The following JPH1 variants were observed in gnomAD, a reference collection of about 807,000 sequenced individuals.
JPH1 encodes the protein junctophilin 1, also known as junctophilin-1.
JPH1 carries 12 observed loss-of-function variants against 53.6 expected under a neutral mutation model. The observed-to-expected ratio is 0.22, with a 90% CI of 0.14 to 0.36. JPH1 has a LOEUF of 0.36. JPH1 is among the 10% of genes least tolerant of loss of function. The pLI is 1.00. For synonymous variants in JPH1, 375 were observed against 363.8 expected (o/e 1.03, Z -0.35); for missense variants, 808 against 905.5 (o/e 0.89, Z 1.38).
In JPH1 at chr8:74,244,978, G is replaced by C; in HGVS notation, c.1456C>G (p.Gln486Glu). ...AGTCTCGCCCCTGAGCTGGGGTTTTGCTTCTTCAGGGGCTTTGGGGAGGAA... is the reference window on the plus strand; with the variant it reads ...AGTCTCGCCCCTGAGCTGGGGTTTTCCTTCTTCAGGGGCTTTGGGGAGGAA... ...PASSPKPLKK[Q>E]NPSSGARLNQ... The change falls in exon 4 of 6, where the codon CAA becomes GAA. Residue 486 changes from glutamine to glutamate, a missense_variant. Gln to Glu is a conservative substitution (Grantham distance 29, BLOSUM62 2). Coordinates refer to ENST00000342232, the MANE Select transcript of JPH1 (RefSeq NM_020647.4). 1.2e-6 allele frequency: 2 copies of C among 1,614,096 alleles called. No individual in the cohort carries two copies. Among genetic ancestry groups the C allele is most frequent in the Non-Finnish European group, 1.7e-6 (2 of 1,180,008 alleles).
At chr8:74,305,548 T>G (rs762214743) in intron 2 of JPH1, among the ~76,000 whole-genome samples, 10 of 152,272 alleles carry the variant, frequency 6.6e-5, no homozygotes, top group Non-Finnish European at 1.5e-5. Context: ...CTAAATGAGC[T>G]GGAATCTGTT....
At chr8:74,287,851 A>G (rs529184422) in intron 2 of JPH1, among the ~76,000 whole-genome samples, 1 of 152,300 alleles carries the variant, frequency 6.6e-6, no homozygotes, top group African/African-American at 2.4e-5. Flanking sequence ...TTGGAAATTA[A>G]TCTTATTGAA....
chr8:74,306,180 T>G (rs1807828440), intron 2 of JPH1, among the ~76,000 whole-genome samples: 1 of 152,156 alleles, frequency 6.6e-6, no homozygotes. Flanking sequence ...AGTTTCTCTG[T>G]GCTACCAAGT....
At chr8:74,275,298 G>A (rs1806815795) in intron 2 of JPH1, among the ~76,000 whole-genome samples, 6 of 152,120 alleles carry the variant, frequency 3.9e-5, no homozygotes, top group Admixed American at 3.9e-4. Context: ...CAGAGATGAA[G>A]AAAATGGATC....
At chr8:74,276,513 A>T (rs1224983776) in intron 2 of JPH1, among the ~76,000 whole-genome samples, 1 of 152,250 alleles carries the variant, frequency 6.6e-6, no homozygotes, top group African/African-American at 2.4e-5. Flanking sequence ...CCTGGGATAC[A>T]CTGACGATAT....
intron 2 of JPH1, among the ~76,000 whole-genome samples, chr8:74,280,367 C>T (rs1470249162): frequency 6.6e-6 from 1 of 152,158 alleles, no homozygotes; most frequent in Non-Finnish European, 1.5e-5. Context: ...ACTTTGCCAT[C>T]CTCATGGGTA....
At position 74,244,049 on chromosome 8, in the gene JPH1, A is replaced by T. The variant is rs143800026; in HGVS notation, c.1905+480T>A. Among the ~76,000 whole-genome samples the T allele has an allele frequency of 2.8e-3, 430 of 152,360 alleles. 1 individual carries two copies. The highest frequency in any genetic ancestry group is 9.7e-3 in the African/African-American group (403 of 41,592). On this transcript the variant is annotated intron_variant, in intron 4 of 5. Transcript: ENST00000342232. ...TCCAAACTACGTATGTATGAGAAGA[A>T]TTCACAACGGCTAGAGGAGACGTTC...
At chr8:74,292,659 A>ACAAG (rs3032998) in intron 2 of JPH1, among the ~76,000 whole-genome samples, 8 of 151,828 alleles carry the variant, frequency 5.3e-5, no homozygotes, top group African/African-American at 1.9e-4. Context: ...TAAAAAACAA[A>ACAAG]CAAACAGAAA....
At chr8:74,267,192 G>C (rs1806557237) in intron 2 of JPH1, among the ~76,000 whole-genome samples, 1 of 152,150 alleles carries the variant, frequency 6.6e-6, no homozygotes, top group Non-Finnish European at 1.5e-5. Context: ...AAAGGTCAAG[G>C]TTCTAAACGG....
At chr8:74,272,498 C>T (rs1197190904) in intron 2 of JPH1, among the ~76,000 whole-genome samples, 2 of 151,440 alleles carry the variant, frequency 1.3e-5, no homozygotes, top group African/African-American at 2.4e-5. Flanking sequence ...AACGCTTTTC[C>T]GAGACGTCAT....
intron 4 of JPH1, among the ~76,000 whole-genome samples, chr8:74,240,445 C>T (rs1255685159): frequency 1.3e-5 from 2 of 152,010 alleles, no homozygotes; most frequent in Non-Finnish European, 2.9e-5. Flanking sequence ...CATCCTTCTA[C>T]TCTCCATCTC....
chr8:74,253,892 C>T (rs1806141932), intron 3 of JPH1, among the ~76,000 whole-genome samples: 1 of 151,994 alleles, frequency 6.6e-6, no homozygotes, highest in East Asian at 1.9e-4. Context: ...GAAATTGAGG[C>T]AATAATTAAT....
chr8:74,246,520 A>G (rs922395364), intron 3 of JPH1, among the ~76,000 whole-genome samples: 2 of 152,206 alleles, frequency 1.3e-5, no homozygotes, highest in Non-Finnish European at 2.9e-5. Context: ...GGAATTTTCC[A>G]AAATTTAAAG....
At chr8:74,260,407 A>T (rs962520505) in intron 2 of JPH1, among the ~76,000 whole-genome samples, 2 of 152,162 alleles carry the variant, frequency 1.3e-5, no homozygotes, top group Admixed American at 1.3e-4. Flanking sequence ...GAGGGAAGAA[A>T]AAAACTCTGG....
intron 2 of JPH1, among the ~76,000 whole-genome samples, chr8:74,305,678 C>A (rs1228740791): frequency 2.6e-5 from 4 of 152,158 alleles, no homozygotes; most frequent in African/African-American, 9.7e-5. Context: ...GTCTTCAGTG[C>A]CAGCTTTTAC....
Position 74,244,700 on chromosome 8 carries a change from T to G in JPH1, c.1734A>C (p.Ser578=). The G allele has an allele frequency of 6.2e-7, 1 of 1,614,214 alleles. No homozygotes were observed. Among genetic ancestry groups the G allele is most frequent in the Non-Finnish European group, 8.5e-7 (1 of 1,180,042 alleles). The change falls in exon 4 of 6, where the codon TCA becomes TCC. Residue 578 remains serine, a synonymous_variant. Transcript: ENST00000342232. ...TAGCGGATGGCTTGTGCACCAGTGC[T>G]GAGGAAGACTGGCTGGATCCATCGC... The part of the protein sequence containing the change: ...EDGDGSSQSS[S]ALVHKPSANK...
At chr8:74,309,322 T>C (rs991898445) in intron 2 of JPH1, among the ~76,000 whole-genome samples, 1 of 152,244 alleles carries the variant, frequency 6.6e-6, no homozygotes, top group Non-Finnish European at 1.5e-5. Context: ...CCTCACTTTA[T>C]AGTATTTCTT....
intron 2 of JPH1, among the ~76,000 whole-genome samples, chr8:74,290,825 C>T (rs1202839479): frequency 6.6e-6 from 1 of 152,064 alleles, no homozygotes; most frequent in Non-Finnish European, 1.5e-5. Context: ...GAAATAATAC[C>T]ACACATCTAC....
At chr8:74,248,034 A>C (rs992299068) in intron 3 of JPH1, among the ~76,000 whole-genome samples, 4 of 152,198 alleles carry the variant, frequency 2.6e-5, no homozygotes, top group Non-Finnish European at 4.4e-5. Context: ...AGTATTTCTT[A>C]TGATATTTAT....
Sources: allele counts gnomAD v4.1 joint callset (sites outside exome capture counted in the v4.1 genomes callset), GRCh38; gene constraint gnomAD v4.1.1; transcripts MANE v1.5; gene names NCBI Gene and HGNC (gene_info 2026-07-23, HGNC 2026-07-21).